Variants in IDE observed in about 807,000 individuals in gnomAD.
IDE encodes insulin-degrading enzyme.
IDE carries 58 observed loss-of-function variants against 133.2 expected under a neutral mutation model. That is an observed-to-expected ratio of 0.44 (90% CI 0.35 to 0.54). IDE has a LOEUF of 0.54. Among genes scored for constraint, IDE ranks in the 20% least tolerant of loss-of-function variants. IDE has a pLI of 0.00. For synonymous variants in IDE, 396 were observed against 421.3 expected (o/e 0.94, Z 0.73); for missense variants, 981 against 1,234.0 (o/e 0.79, Z 3.07).
chr10:92,466,816 C>T (rs1845717734), intron 19 of IDE, among the ~76,000 whole-genome samples: 1 of 151,362 alleles, frequency 6.6e-6, no homozygotes, highest in Non-Finnish European at 1.5e-5. Flanking sequence ...CGGGGTTTCA[C>T]CATGTTGGCC....
At chr10:92,504,076 A>G (rs1219349537) in intron 11 of IDE, among the ~76,000 whole-genome samples, 1 of 152,148 alleles carries the variant, frequency 6.6e-6, no homozygotes, top group Non-Finnish European at 1.5e-5. Context: ...TTATTCATAA[A>G]ACAACTGTTC....
At chr10:92,476,632 C>T (rs1049500386) in intron 15 of IDE, among the ~76,000 whole-genome samples, 2 of 152,138 alleles carry the variant, frequency 1.3e-5, no homozygotes, top group African/African-American at 4.8e-5. Flanking sequence ...TGGCCATTAA[C>T]AATCTCTATA....
intron 17 of IDE, among the ~76,000 whole-genome samples, chr10:92,473,697 T>C (rs552636835): frequency 2.6e-4 from 39 of 152,132 alleles, no homozygotes; most frequent in South Asian, 8.3e-4. Context: ...AACTTCAATA[T>C]TGGCCGGTCG....
intron 5 of IDE, among the ~76,000 whole-genome samples, chr10:92,511,966 G>A (rs1357864183): frequency 1.3e-5 from 2 of 152,134 alleles, no homozygotes; most frequent in Non-Finnish European, 2.9e-5. Context: ...TACCCTAAAA[G>A]CATAAATTCA....
rs531168569 is a variant in IDE at position 92,483,074 on chromosome 10, C to T, written c.1739+181G>A. Among the ~76,000 whole-genome samples, 18 of 152,334 alleles carry T rather than the reference C, an allele frequency of 1.2e-4. No individual in the cohort carries two copies. The South Asian group carries it at 2.1e-3, about 18-fold the overall frequency. On this transcript the variant is annotated intron_variant, in intron 14 of 24. Coordinates refer to ENST00000265986, the MANE Select transcript of IDE (RefSeq NM_004969.4). ...GGATTACAGGCGTGAGCCACCGTGC[C>T]CGGCCAACCTCTCCTTTTCTTTACT...
chr10:92,568,790 T>C (rs1843663958), intron 1 of IDE, among the ~76,000 whole-genome samples: 2 of 151,840 alleles, frequency 1.3e-5, no homozygotes, highest in Admixed American at 6.6e-5. Flanking sequence ...TACTCTAGCC[T>C]GGGCAACAAG....
At chr10:92,494,532 T>C (rs1386034694) in intron 11 of IDE, among the ~76,000 whole-genome samples, 1 of 152,044 alleles carries the variant, frequency 6.6e-6, no homozygotes, top group Non-Finnish European at 1.5e-5. Context: ...ACTTAAGCCC[T>C]TGAGTTCAAG....
chr10:92,505,249 A>G (rs1397156192), intron 10 of IDE, among the ~76,000 whole-genome samples: 1 of 152,250 alleles, frequency 6.6e-6, no homozygotes, highest in African/African-American at 2.4e-5. Context: ...TGACACCTAC[A>G]GGATTTTTAA....
chr10:92,524,913 TCAAA>T (rs943257249), intron 4 of IDE, among the ~76,000 whole-genome samples: 11 of 140,278 alleles, frequency 7.8e-5, no homozygotes, highest in African/African-American at 2.7e-4. Flanking sequence ...AGACTCCATC[TCAAA>T]CAAACAAACA....
chr10:92,559,647 T>C (rs776570052), intron 1 of IDE, among the ~76,000 whole-genome samples: 8 of 152,096 alleles, frequency 5.3e-5, no homozygotes, highest in Non-Finnish European at 8.8e-5. Context: ...AAGGGTATAA[T>C]GTTTCTTTTT....
intron 23 of IDE, 57 bp from the exon 24 acceptor site, chr10:92,455,700 CA>C (rs11459510): frequency 0.019 from 13,356 of 709,916 alleles, no homozygotes; most frequent in South Asian, 0.026. Flanking sequence ...CACAAAAGAA[CA>C]AAAAAAAAAA....
At chr10:92,490,765 T>C (rs1037308389) in intron 11 of IDE, among the ~76,000 whole-genome samples, 170 bp from the exon 12 acceptor site, 1 of 151,918 alleles carries the variant, frequency 6.6e-6, no homozygotes, top group South Asian at 2.1e-4. Flanking sequence ...TGAATAGAGG[T>C]TTCTGATCAT....
At chr10:92,533,760 A>G (rs1261634918) in intron 3 of IDE, among the ~76,000 whole-genome samples, 2 of 151,088 alleles carry the variant, frequency 1.3e-5, no homozygotes, top group Non-Finnish European at 2.9e-5. Context: ...GCAGTGGCTC[A>G]TGCCTGTAAT....
At chr10:92,548,142 C>G (rs7900822) in intron 1 of IDE, among the ~76,000 whole-genome samples, 9,670 of 151,918 alleles carry the variant, frequency 0.064, 1,064 homozygotes, top group African/African-American at 0.22. Context: ...GGCCGATCAC[C>G]TGAGGTCGGG....
chr10:92,455,340 G>A (rs1450585322), intron 24 of IDE, among the ~76,000 whole-genome samples: 1 of 152,168 alleles, frequency 6.6e-6, no homozygotes, highest in Non-Finnish European at 1.5e-5. Flanking sequence ...GCTGGGCATG[G>A]TGGCGTGTGC....
chr10:92,499,033 A>T (rs1232691269), intron 11 of IDE, among the ~76,000 whole-genome samples: 4 of 152,216 alleles, frequency 2.6e-5, no homozygotes, highest in Admixed American at 2.6e-4. Context: ...ACTTGCCTAA[A>T]TGAGGCAAGT....
chr10:92,495,370 G>A (rs1337270512), intron 11 of IDE, among the ~76,000 whole-genome samples: 3 of 152,004 alleles, frequency 2.0e-5, no homozygotes, highest in Non-Finnish European at 2.9e-5. Context: ...ACAGGCACAC[G>A]CCACCATGCC....
At chr10:92,570,122 T>C (rs1169214722) in intron 1 of IDE, among the ~76,000 whole-genome samples, 1 of 152,006 alleles carries the variant, frequency 6.6e-6, no homozygotes, top group African/African-American at 2.4e-5. Flanking sequence ...AAAAAAAAGT[T>C]ACACTTTTAA....
intron 4 of IDE, among the ~76,000 whole-genome samples, 199 bp from the exon 5 acceptor site, chr10:92,515,241 CT>C (rs1589454174): frequency 6.6e-6 from 1 of 151,284 alleles, no homozygotes; most frequent in Non-Finnish European, 1.5e-5. Flanking sequence ...CTATAGTCGT[CT>C]CTACGGAATT....
Sources: gnomAD v4.1 joint callset for allele counts (sites outside exome capture counted in the v4.1 genomes callset) on GRCh38, gnomAD v4.1.1 for gene constraint, MANE v1.5 for transcripts, NCBI Gene and HGNC (gene_info 2026-07-23, HGNC 2026-07-21) for gene names.